LPAR1: variants seen among roughly 807,000 people sequenced by gnomAD.
LPAR1 encodes the protein lysophosphatidic acid receptor 1, also known as LPA receptor 1.
Under a neutral mutation model 23.8 loss-of-function variants are expected in LPAR1, and 5 were observed. The ratio of observed to expected loss-of-function variants is 0.21; its 90% CI spans 0.11 to 0.44. The LOEUF (loss-of-function observed/expected upper bound fraction) is 0.44. Among genes scored for constraint, LPAR1 ranks in the 20% least tolerant of loss-of-function variants. LPAR1 has a pLI of 0.99. For synonymous variants in LPAR1, 160 were observed against 164.7 expected, an observed-to-expected ratio of 0.97 and a Z score of 0.22; for missense variants, 311 against 482.8, an observed-to-expected ratio of 0.64 and a Z score of 3.33.
intron 2 of LPAR1, among the ~76,000 whole-genome samples, chr9:110,974,496 T>G (rs1287880895): frequency 2.0e-5 from 3 of 152,218 alleles, no homozygotes; most frequent in Non-Finnish European, 4.4e-5. Flanking sequence ...TCTATAAGCT[T>G]AAATTTTTAA....
intron 4 of LPAR1, among the ~76,000 whole-genome samples, chr9:110,947,885 T>C (rs2095437553): frequency 6.6e-6 from 1 of 151,652 alleles, no homozygotes; most frequent in African/African-American, 2.4e-5. Context: ...TAAGGGAGAC[T>C]GTAATCTATG....
intron 2 of LPAR1, among the ~76,000 whole-genome samples, chr9:110,979,691 A>G (rs1474787069): frequency 6.6e-6 from 1 of 152,202 alleles, no homozygotes; most frequent in Non-Finnish European, 1.5e-5. Context: ...CCTGAAAGCT[A>G]GAAGACAATG....
intron 5 of LPAR1, among the ~76,000 whole-genome samples, chr9:110,895,153 A>T (rs534439920): frequency 2.8e-4 from 43 of 152,348 alleles, no homozygotes; most frequent in Middle Eastern, 3.4e-3. Flanking sequence ...CTATCCTTCA[A>T]GTAGAGGGGA....
intron 2 of LPAR1, among the ~76,000 whole-genome samples, chr9:110,978,357 A>G (rs1251947066): frequency 6.6e-6 from 1 of 152,210 alleles, no homozygotes; most frequent in African/African-American, 2.4e-5. Context: ...TAGCTGGGGG[A>G]AGCTACGTGG....
intron 2 of LPAR1, among the ~76,000 whole-genome samples, chr9:111,007,707 T>C (rs2097249073): frequency 6.6e-6 from 1 of 152,198 alleles, no homozygotes; most frequent in Non-Finnish European, 1.5e-5. Flanking sequence ...AGGATGATTT[T>C]GGCAATATGT....
chr9:110,941,177 A>T lies in LPAR1; in HGVS notation c.793+244T>A, dbSNP rs1341716142. On this transcript the variant is annotated intron_variant, in intron 5 of 5. Coordinates refer to ENST00000683809, the MANE Select transcript of LPAR1 (RefSeq NM_001351411.2). The surrounding 1 kb of genome is among the most constrained non-coding windows in gnomAD (Gnocchi z 6.1). ...TATTAGATAGCCAAACTCTTCAATG[A>T]CATCTTTTACATCATCATCATTTAT... 6.6e-6 allele frequency among the ~76,000 whole-genome samples: 1 copy of T among 152,202 alleles called. No homozygotes were observed. Among genetic ancestry groups the T allele is most frequent in the Admixed American group, 6.5e-5 (1 of 15,284 alleles).
Position 110,960,914 on chromosome 9 carries a change from A to G in LPAR1, c.45+11159T>C, listed in dbSNP as rs566378586. Among the ~76,000 whole-genome samples the G allele has an allele frequency of 9.6e-4, 146 of 152,350 alleles. 1 individual carries two copies. Among genetic ancestry groups the G allele is most frequent in the African/African-American group, 3.4e-3 (141 of 41,586 alleles). On this transcript the variant is annotated intron_variant, in intron 4 of 5. Coordinates refer to ENST00000683809, the MANE Select transcript of LPAR1 (RefSeq NM_001351411.2). ...AGGTCAAAACAATGTAATAATTCAT[A>G]CTGACAAAAATGAAAAATTATTTTC...
chr9:111,032,342 T>C, intron 2 of LPAR1, among the ~76,000 whole-genome samples: 1 of 152,278 alleles, frequency 6.6e-6, no homozygotes. Flanking sequence ...ACCTCACCGC[T>C]GAGGGTCAAG....
In LPAR1 at chr9:110,976,453, C is replaced by T. The variant is rs993267722; in HGVS notation, c.-181-2895G>A. 4.6e-5 allele frequency among the ~76,000 whole-genome samples: 7 copies of T among 152,216 alleles called. No individual in the cohort carries two copies. The South Asian group carries it at 1.2e-3, about 27-fold the overall frequency. On this transcript the variant is annotated intron_variant, in intron 2 of 5. Coordinates refer to ENST00000683809, the MANE Select transcript of LPAR1 (RefSeq NM_001351411.2). ...CTGGGAGGCAGAAGTTGCAGTGAGCCGAGATTGCACCACTGCACTCCAGCC... is the reference window on the plus strand; with the variant it reads ...CTGGGAGGCAGAAGTTGCAGTGAGCTGAGATTGCACCACTGCACTCCAGCC...
chr9:111,010,066 T>G (rs2097304821), intron 2 of LPAR1, among the ~76,000 whole-genome samples: 1 of 135,438 alleles, frequency 7.4e-6, no homozygotes, highest in South Asian at 2.4e-4. Context: ...GATAGGTCAG[T>G]TGGCCATAGA....
At chr9:110,972,684 C>T (rs893218742) in intron 3 of LPAR1, among the ~76,000 whole-genome samples, 9 of 152,102 alleles carry the variant, frequency 5.9e-5, no homozygotes, top group Admixed American at 2.0e-4. Context: ...CAGTGGCTCA[C>T]GCCTATAATC....
intron 4 of LPAR1, among the ~76,000 whole-genome samples, chr9:110,963,129 A>G (rs1315054953): frequency 1.3e-5 from 2 of 152,236 alleles, no homozygotes; most frequent in South Asian, 2.1e-4. Context: ...GACTAAACCA[A>G]TTAAAAAGGA....
chr9:111,036,678 T>C (rs2097902610), intron 1 of LPAR1, among the ~76,000 whole-genome samples: 1 of 152,164 alleles, frequency 6.6e-6, no homozygotes, highest in Admixed American at 6.5e-5. Flanking sequence ...TGGTGTACCT[T>C]GCGGGCTCGG....
At chr9:110,914,967 T>TA (rs879414285) in intron 5 of LPAR1, among the ~76,000 whole-genome samples, 30 of 146,218 alleles carry the variant, frequency 2.1e-4, no homozygotes, top group Admixed American at 6.2e-4. Context: ...TTTCGCAAGT[T>TA]AAAAAAAAAA....
At chr9:111,022,723 T>C (rs918410701) in intron 2 of LPAR1, among the ~76,000 whole-genome samples, 2 of 152,156 alleles carry the variant, frequency 1.3e-5, no homozygotes, top group African/African-American at 2.4e-5. Flanking sequence ...GAACACAACT[T>C]TGTACAGCTC....
At chr9:111,015,223 C>G (rs1481938212) in intron 2 of LPAR1, among the ~76,000 whole-genome samples, 1 of 152,216 alleles carries the variant, frequency 6.6e-6, no homozygotes, top group Admixed American at 6.5e-5. Flanking sequence ...CATGGCAGCC[C>G]TGGCAATCTA....
intron 5 of LPAR1, among the ~76,000 whole-genome samples, chr9:110,894,324 C>T (rs2085533218): frequency 6.6e-6 from 1 of 152,164 alleles, no homozygotes; most frequent in African/African-American, 2.4e-5. Context: ...GCATATGGGA[C>T]ATTGGACAAG....
intron 5 of LPAR1, among the ~76,000 whole-genome samples, chr9:110,936,660 G>T (rs1002558983): frequency 6.6e-6 from 1 of 152,130 alleles, no homozygotes; most frequent in East Asian, 1.9e-4. Context: ...CATGGTGATC[G>T]TTTCCAACCA....
chr9:110,921,853 T>C (rs1052736355), intron 5 of LPAR1, among the ~76,000 whole-genome samples: 8 of 152,196 alleles, frequency 5.3e-5, no homozygotes, highest in African/African-American at 1.9e-4. Context: ...TAGGGCAGGT[T>C]ATGATGGACG....
Sources: gnomAD v4.1 joint callset for allele counts (sites outside exome capture counted in the v4.1 genomes callset) on GRCh38, gnomAD v4.1.1 for gene constraint, Gnocchi (gnomAD v3.1) non-coding constraint, MANE v1.5 for transcripts, NCBI Gene and HGNC (gene_info 2026-07-23, HGNC 2026-07-21) for gene names.